BRD10: variants seen among roughly 807,000 people sequenced by gnomAD.
BRD10 encodes the protein bromodomain containing 10, also known as uncharacterized bromodomain-containing protein 10.
the BRD10 span, among the ~76,000 whole-genome samples, chr9:5,993,055 C>A: frequency 2.0e-5 from 3 of 152,098 alleles, no homozygotes; most frequent in African/African-American, 7.3e-5. Flanking sequence ...GTGGCTCATG[C>A]CTGTAATCCC....
chr9:5,880,012 C>T, the BRD10 span, among the ~76,000 whole-genome samples: 2 of 151,966 alleles, frequency 1.3e-5, no homozygotes, highest in African/African-American at 2.4e-5. Context: ...CTCCGCCTCC[C>T]GGGTTCCAGA....
chr9:5,897,685 C>G, the BRD10 span: 6 of 1,552,178 alleles, frequency 3.9e-6, no homozygotes, highest in Non-Finnish European at 5.3e-6. Context: ...GAAATCCCTC[C>G]AAGTCCAGGG....
At chr9:5,988,726 A>T in the BRD10 span, among the ~76,000 whole-genome samples, 1 of 152,150 alleles carries the variant, frequency 6.6e-6, no homozygotes, top group African/African-American at 2.4e-5. Context: ...TATGTCATAA[A>T]ATCAGAGTGA....
At chr9:5,983,302 G>A in the BRD10 span, among the ~76,000 whole-genome samples, 7 of 152,226 alleles carry the variant, frequency 4.6e-5, no homozygotes, top group African/African-American at 1.7e-4. Flanking sequence ...CTTAAAACCT[G>A]GACTTTTCAA....
At chr9:5,901,965 G>A in the BRD10 span, among the ~76,000 whole-genome samples, 1 of 152,158 alleles carries the variant, frequency 6.6e-6, no homozygotes, top group Non-Finnish European at 1.5e-5. Context: ...GTGATATTGA[G>A]CTGTAGTTTT....
At chr9:5,933,007 G>A in the BRD10 span, among the ~76,000 whole-genome samples, 8 of 152,164 alleles carry the variant, frequency 5.3e-5, no homozygotes, top group Non-Finnish European at 1.2e-4. Flanking sequence ...AAGACAGAAT[G>A]TGGATGTAAT....
chr9:5,998,420 C>T, the BRD10 span, among the ~76,000 whole-genome samples: 2 of 152,036 alleles, frequency 1.3e-5, no homozygotes, highest in Non-Finnish European at 2.9e-5. Flanking sequence ...TTTTAATAAT[C>T]TATATTGCAA....
the BRD10 span, among the ~76,000 whole-genome samples, chr9:5,984,005 A>ACACCC: frequency 3.4e-5 from 5 of 145,088 alleles, no homozygotes; most frequent in Admixed American, 1.4e-4. Flanking sequence ...ACACACACAC[A>ACACCC]CCCCTCTCCA....
chr9:6,002,788 T>C, the BRD10 span, among the ~76,000 whole-genome samples: 1 of 151,948 alleles, frequency 6.6e-6, no homozygotes, highest in African/African-American at 2.4e-5. Flanking sequence ...GTGATTCTCA[T>C]GCCTCAGCCT....
chr9:5,942,759 C>G, the BRD10 span, among the ~76,000 whole-genome samples: 3 of 152,150 alleles, frequency 2.0e-5, no homozygotes, highest in Non-Finnish European at 4.4e-5. Context: ...CATCAGGGGG[C>G]ATGGACAAGT....
At chr9:5,938,546 T>C in the BRD10 span, among the ~76,000 whole-genome samples, 5 of 152,208 alleles carry the variant, frequency 3.3e-5, no homozygotes, top group Admixed American at 3.3e-4. Context: ...TATAGGAACT[T>C]AGTTTTAATC....
At chr9:5,925,272 C>T in the BRD10 span, among the ~76,000 whole-genome samples, 10 of 150,524 alleles carry the variant, frequency 6.6e-5, no homozygotes, top group African/African-American at 2.4e-4. Context: ...GGGACGAGAA[C>T]TGCTTGAACC....
the BRD10 span, among the ~76,000 whole-genome samples, chr9:6,003,997 G>A: frequency 6.6e-6 from 1 of 152,186 alleles, no homozygotes; most frequent in South Asian, 2.1e-4. Flanking sequence ...GTAGTTTCCA[G>A]AAATACTATG....
the BRD10 span, among the ~76,000 whole-genome samples, chr9:5,944,216 T>C: frequency 2.0e-5 from 3 of 152,162 alleles, no homozygotes; most frequent in Non-Finnish European, 2.9e-5. Context: ...AGCCCAACTA[T>C]AAATGCTAGT....
chr9:5,883,793 G>C, the BRD10 span, among the ~76,000 whole-genome samples: 4 of 151,966 alleles, frequency 2.6e-5, no homozygotes, highest in African/African-American at 9.7e-5. Flanking sequence ...TTAGGGACAG[G>C]CTTGCTCATA....
At chr9:5,961,081 T>C in the BRD10 span, among the ~76,000 whole-genome samples, 1 of 152,220 alleles carries the variant, frequency 6.6e-6, no homozygotes, top group Admixed American at 6.5e-5. Flanking sequence ...TTCATTTATT[T>C]GTTCAGTATA....
At chr9:5,887,218 C>T in the BRD10 span, among the ~76,000 whole-genome samples, 1 of 152,184 alleles carries the variant, frequency 6.6e-6, no homozygotes. Flanking sequence ...GAGATCACAC[C>T]ACTGCATTCC....
At chr9:5,947,063 T>C in the BRD10 span, among the ~76,000 whole-genome samples, 11 of 152,140 alleles carry the variant, frequency 7.2e-5, no homozygotes, top group Admixed American at 5.9e-4. Flanking sequence ...AGTCAACAGA[T>C]ATTTATGTTC....
the BRD10 span, among the ~76,000 whole-genome samples, chr9:5,925,511 G>C: frequency 6.6e-6 from 1 of 152,044 alleles, no homozygotes; most frequent in Non-Finnish European, 1.5e-5. Flanking sequence ...TGCACTGACA[G>C]ATTAGAGTCT....
Sources: gnomAD v4.1 joint callset for allele counts (sites outside exome capture counted in the v4.1 genomes callset) on GRCh38, gnomAD v4.1.1 for gene constraint, MANE v1.5 for transcripts, NCBI Gene and HGNC (gene_info 2026-07-23, HGNC 2026-07-21) for gene names.